Variants in GLIS3 observed in about 807,000 individuals in gnomAD.
The protein encoded by GLIS3 is zinc finger protein GLIS3.
A neutral mutation model predicts 78.6 loss-of-function variants in GLIS3; 53 were observed. That is an observed-to-expected ratio of 0.67 (90% CI 0.54 to 0.85). The LOEUF (loss-of-function observed/expected upper bound fraction) is 0.85, where lower values mean the gene tolerates loss of function less well. GLIS3 is among the 40% of genes least tolerant of loss of function. The pLI is 0.00. For synonymous variants in GLIS3, 684 were observed against 509.9 expected (o/e 1.34, Z -4.60); for missense variants, 1,703 against 1,231.1 (o/e 1.38, Z -5.74).
At position 4,028,322 on chromosome 9, in the gene GLIS3, C is replaced by T. The variant is rs189675375; in HGVS notation, c.1710+89446G>A. 6.6e-5 allele frequency among the ~76,000 whole-genome samples: 10 copies of T among 152,232 alleles called. No individual in the cohort carries two copies. The East Asian group carries it at 1.7e-3, about 26-fold the overall frequency. Reference sequence around the variant, plus strand: ...ATTTTGTAAGACATCTAGCATAATGCATTACTTCATAAAGAGCTACTTAAT... The same window carrying T: ...ATTTTGTAAGACATCTAGCATAATGTATTACTTCATAAAGAGCTACTTAAT... On this transcript the variant is annotated intron_variant, in intron 4 of 10. Coordinates refer to ENST00000381971, the MANE Select transcript of GLIS3 (RefSeq NM_001042413.2).
intron 4 of GLIS3, chr9:4,070,889 G>T (rs1827543527): frequency 1.3e-5 from 2 of 152,118 alleles, no homozygotes; most frequent in Admixed American, 6.6e-5. Flanking sequence ...TCTCAACACA[G>T]TAGCAAAATT....
At chr9:4,390,028 C>T in the GLIS3 span, among the ~76,000 whole-genome samples, 268 of 152,274 alleles carry the variant, frequency 1.8e-3, 1 homozygote, top group African/African-American at 6.2e-3. Flanking sequence ...TGAACAAATA[C>T]TATGTGCTGC....
intron 2 of GLIS3, among the ~76,000 whole-genome samples, chr9:4,189,547 G>A (rs892263486): frequency 1.3e-5 from 2 of 152,028 alleles, no homozygotes; most frequent in Admixed American, 6.6e-5. Flanking sequence ...CCTGGGTATC[G>A]TTGTTAACTT....
intron 4 of GLIS3, among the ~76,000 whole-genome samples, chr9:4,086,432 AGACCAG>A (rs1025613709): frequency 6.6e-6 from 1 of 152,256 alleles, no homozygotes; most frequent in African/African-American, 2.4e-5. Context: ...GAGCTCTCAG[AGACCAG>A]GATCCTATTC....
At chr9:4,112,154 C>A (rs763125891) in intron 4 of GLIS3, among the ~76,000 whole-genome samples, 1 of 152,164 alleles carries the variant, frequency 6.6e-6, no homozygotes, top group Non-Finnish European at 1.5e-5. Flanking sequence ...ATACATGGTT[C>A]AGCACAAGAC....
At chr9:4,416,966 A>G in the GLIS3 span, among the ~76,000 whole-genome samples, 3 of 151,992 alleles carry the variant, frequency 2.0e-5, no homozygotes, top group East Asian at 5.8e-4. Context: ...AACCCCATTT[A>G]CGCTGACTGT....
the GLIS3 span, among the ~76,000 whole-genome samples, chr9:4,414,292 C>T: frequency 6.6e-6 from 1 of 152,206 alleles, no homozygotes; most frequent in African/African-American, 2.4e-5. Flanking sequence ...AAATGGAAGA[C>T]ATGGCAAAAC....
At chr9:4,214,495 T>C (rs1820651007) in intron 2 of GLIS3, among the ~76,000 whole-genome samples, 1 of 152,214 alleles carries the variant, frequency 6.6e-6, no homozygotes, top group African/African-American at 2.4e-5. Flanking sequence ...GCCAGGGCTA[T>C]GCTAAGTCCC....
rs532238799 is a variant in GLIS3 at position 4,207,397 on chromosome 9, C to G, written c.388+78641G>C. On this transcript the variant is annotated intron_variant, in intron 2 of 10. Transcript: ENST00000381971. ...ATCGCTGGTGATTTATGCTCCTCCACTGGATGGAAAAGAAACATTTGCAGG... is the reference window on the plus strand; with the variant it reads ...ATCGCTGGTGATTTATGCTCCTCCAGTGGATGGAAAAGAAACATTTGCAGG... Among the ~76,000 whole-genome samples the G allele has an allele frequency of 3.3e-5, 5 of 152,272 alleles. No individual in the cohort carries two copies. The East Asian group carries it at 9.6e-4, about 29-fold the overall frequency.
chr9:4,485,113 C>G, the GLIS3 span, among the ~76,000 whole-genome samples: 1 of 151,906 alleles, frequency 6.6e-6, no homozygotes, highest in African/African-American at 2.4e-5. Context: ...CTCCTGGGTT[C>G]AAGCGATTCT....
At chr9:3,986,734 C>A (rs1232963223) in intron 4 of GLIS3, among the ~76,000 whole-genome samples, 1 of 152,236 alleles carries the variant, frequency 6.6e-6, no homozygotes, top group African/African-American at 2.4e-5. Flanking sequence ...CCAGCAGCAT[C>A]CAATAAACTG....
intron 4 of GLIS3, among the ~76,000 whole-genome samples, chr9:4,005,456 A>G (rs1017763442): frequency 6.6e-6 from 1 of 152,222 alleles, no homozygotes; most frequent in African/African-American, 2.4e-5. Flanking sequence ...GCACATAGCT[A>G]AGAACATGGC....
At chr9:4,004,136 A>C (rs1382837758) in intron 4 of GLIS3, among the ~76,000 whole-genome samples, 1 of 152,216 alleles carries the variant, frequency 6.6e-6, no homozygotes, top group African/African-American at 2.4e-5. Context: ...ATGAACAAAT[A>C]AATATGATAT....
chr9:4,456,609 G>C, the GLIS3 span, among the ~76,000 whole-genome samples: 16 of 152,188 alleles, frequency 1.1e-4, no homozygotes, highest in African/African-American at 3.9e-4. Context: ...CTAGCTTTCA[G>C]CCTCTCTTGG....
intron 2 of GLIS3, among the ~76,000 whole-genome samples, chr9:4,272,721 G>A (rs993832619): frequency 4.6e-5 from 7 of 152,108 alleles, no homozygotes; most frequent in Non-Finnish European, 1.0e-4. Context: ...AAGTAATTTT[G>A]CTATTAACTT....
At chr9:3,936,927 C>T (rs1214918937) in intron 5 of GLIS3, 101 bp downstream of exon 5, 1 of 1,515,902 alleles carries the variant, frequency 6.6e-7, no homozygotes, top group Non-Finnish European at 9.2e-7. Flanking sequence ...TCCCTGTAAC[C>T]TGCAGACCAT....
chr9:3,849,809 TG>T (rs1444033798), intron 9 of GLIS3, among the ~76,000 whole-genome samples: 1 of 151,926 alleles, frequency 6.6e-6, no homozygotes, highest in Non-Finnish European at 1.5e-5. Context: ...CTCAGGAGGC[TG>T]AGGCAGGAGA....
intron 6 of GLIS3, among the ~76,000 whole-genome samples, chr9:3,900,368 T>G (rs1027417708): frequency 6.6e-6 from 1 of 152,100 alleles, no homozygotes. Context: ...GGAGTGAATA[T>G]TGGTACAAAC....
rs1352908088 is a variant in GLIS3, at chr9:4,060,198, T to C, written c.1710+57570A>G. Among the ~76,000 whole-genome samples the C allele has an allele frequency of 2.0e-5, 3 of 152,284 alleles. No homozygotes were observed. In the East Asian group the frequency reaches 5.8e-4, roughly 29 times the overall value. On this transcript the variant is annotated intron_variant, in intron 4 of 10. Coordinates refer to ENST00000381971, the MANE Select transcript of GLIS3 (RefSeq NM_001042413.2). Reference sequence around the variant, plus strand: ...AAACTCTCAGTGGAATTCCCATATCTCACTTCATACTACTCTCAGTTCTTC... The same window carrying C: ...AAACTCTCAGTGGAATTCCCATATCCCACTTCATACTACTCTCAGTTCTTC...
Sources: gnomAD v4.1 joint callset for allele counts (sites outside exome capture counted in the v4.1 genomes callset) on GRCh38, gnomAD v4.1.1 for gene constraint, MANE v1.5 for transcripts, NCBI Gene and HGNC (gene_info 2026-07-23, HGNC 2026-07-21) for gene names.